The following CDH22 variants were observed in gnomAD, a reference collection of about 807,000 sequenced individuals.
The protein encoded by CDH22 is cadherin 22.
In CDH22, 30 loss-of-function variants were observed where a neutral mutation model predicts 58.4. The ratio of observed to expected loss-of-function variants is 0.51; its 90% CI spans 0.38 to 0.70. The LOEUF is 0.70. Among genes scored for constraint, CDH22 ranks in the 30% least tolerant of loss-of-function variants. The pLI, the probability that CDH22 is intolerant of heterozygous loss-of-function variation, is 0.00. For missense variants in CDH22, 1,014 were observed against 1,233.9 expected, an observed-to-expected ratio of 0.82 and a Z score of 2.67; for synonymous variants, 513 against 558.2, an observed-to-expected ratio of 0.92 and a Z score of 1.14.
At chr20:46,222,108 T>G (rs534295124) in intron 4 of CDH22, among the ~76,000 whole-genome samples, 2 of 152,326 alleles carry the variant, frequency 1.3e-5, no homozygotes, top group Admixed American at 6.5e-5. Flanking sequence ...ACCCACCTGG[T>G]AGGGCTGTTG....
In CDH22 at chr20:46,174,705, G is replaced by A. The variant is rs369889875; in HGVS notation, c.2288C>T (p.Ser763Leu). 55 of 1,557,694 alleles carry A rather than the reference G, an allele frequency of 3.5e-5. No homozygotes were observed. In the African/African-American group the frequency reaches 6.7e-4, roughly 19 times the overall value. Residue 763 changes from serine (S) to leucine (L), a missense_variant, in exon 12 of 12, where the codon TCG becomes TTG. Ser to Leu is a moderately radical substitution (Grantham distance 145). Coordinates refer to ENST00000537909, the MANE Select transcript of CDH22 (RefSeq NM_021248.3). This position sits in a 1 kb window ranked among gnomAD's most constrained non-coding sequence, Gnocchi z 4.4. Reference protein sequence around the residue: ...RKVALADGDLSVPPYDAFQTY... With the variant: ...RKVALADGDLLVPPYDAFQTY... ...CTGGAAGGCGTCGTAGGGCGGCACC[G>A]ACAGGTCCCCGTCCGCCAGTGCCAC...
chr20:46,234,342 C>G (rs901024880), intron 3 of CDH22, among the ~76,000 whole-genome samples: 13 of 152,222 alleles, frequency 8.5e-5, no homozygotes, highest in African/African-American at 3.1e-4. Context: ...GCTTCTGGGT[C>G]TAGTTCTGGC....
At chr20:46,189,138 G>T (rs1343887188) in intron 8 of CDH22, among the ~76,000 whole-genome samples, 3 of 152,134 alleles carry the variant, frequency 2.0e-5, no homozygotes, top group Non-Finnish European at 2.9e-5. Context: ...GGAAAAGGAG[G>T]GGGCTGAGTT....
At chr20:46,220,963 T>C (rs946884942) in intron 4 of CDH22, 1 of 152,850 alleles carries the variant, frequency 6.5e-6, no homozygotes, top group Non-Finnish European at 1.5e-5. Flanking sequence ...CAATGGGACA[T>C]CAGCAAGTGT....
At position 46,281,481 on chromosome 20, in the gene CDH22, C is replaced by CTCTTGTCCTTGTCGACAGCTTT. The variant is rs546903278; in HGVS notation, c.-400+26752_-400+26773dup. Among the ~76,000 whole-genome samples the CTCTTGTCCTTGTCGACAGCTTT allele has an allele frequency of 4.6e-3, 706 of 152,328 alleles. 3 individuals are homozygous for CTCTTGTCCTTGTCGACAGCTTT. Among genetic ancestry groups the CTCTTGTCCTTGTCGACAGCTTT allele is most frequent in the Middle Eastern group, 0.01 (3 of 294 alleles). ...AATCACATACGCCTACCCTGATACT[C>CTCTTGTCCTTGTCGACAGCTTT]TCTTGTCCTTGTCGACAGCTTTTCT... On this transcript the variant is annotated intron_variant, in intron 1 of 11. Transcript: ENST00000537909.
At chr20:46,226,129 A>T (rs2086169441) in intron 4 of CDH22, among the ~76,000 whole-genome samples, 1 of 152,116 alleles carries the variant, frequency 6.6e-6, no homozygotes, top group African/African-American at 2.4e-5. Flanking sequence ...TGAGCTGCTT[A>T]CAATTCCCCT....
Position 46,174,359 on chromosome 20 carries a change from G to A in CDH22, c.*147C>T. 1 of 575,586 alleles carries A rather than the reference G, an allele frequency of 1.7e-6. No individual in the cohort carries two copies. Among genetic ancestry groups the A allele is most frequent in the Non-Finnish European group, 2.9e-6 (1 of 342,108 alleles). 35.7% of individuals were successfully genotyped at this position (575,586 alleles called of 1,614,324 possible). A position where few individuals can be genotyped will look rare whatever the true frequency, so the allele number is the denominator to read the frequency against. On this transcript the variant is annotated 3_prime_UTR_variant, in exon 12 of 12. Coordinates refer to ENST00000537909, the MANE Select transcript of CDH22 (RefSeq NM_021248.3). The surrounding 1 kb of genome is among the most constrained non-coding windows in gnomAD (Gnocchi z 4.4). ...TAGAGGAGGAGGAATGGAAGAGTCCGCTCCTAGCAAGTCCCCCCTCCGTCC... is the reference window on the plus strand; with the variant it reads ...TAGAGGAGGAGGAATGGAAGAGTCCACTCCTAGCAAGTCCCCCCTCCGTCC...
Position 46,230,233 on chromosome 20 carries a change from C to T in CDH22, c.551-2606G>A, listed in dbSNP as rs529953449. On this transcript the variant is annotated intron_variant, in intron 3 of 11. Coordinates refer to ENST00000537909, the MANE Select transcript of CDH22 (RefSeq NM_021248.3). ...TATATTTCACAGTGCCGCATCATGT[C>T]CATTCTCTCCTGCAGACTTCACACC... Among the ~76,000 whole-genome samples the T allele has an allele frequency of 2.0e-5, 3 of 152,288 alleles. No homozygotes were observed. In the South Asian group the frequency reaches 6.2e-4, roughly 32 times the overall value.
At chr20:46,201,427 T>C (rs922246095) in intron 7 of CDH22, among the ~76,000 whole-genome samples, 1 of 152,148 alleles carries the variant, frequency 6.6e-6, no homozygotes. Context: ...ATCTCTGAAA[T>C]GGGGATATTG....
chr20:46,307,679 G>A (rs2059030094), intron 1 of CDH22, among the ~76,000 whole-genome samples: 1 of 152,014 alleles, frequency 6.6e-6, no homozygotes, highest in Non-Finnish European at 1.5e-5. Flanking sequence ...GTGTCGCCGC[G>A]GCTGGAGTCA....
At chr20:46,282,011 C>T (rs1427120025) in intron 1 of CDH22, among the ~76,000 whole-genome samples, 2 of 152,264 alleles carry the variant, frequency 1.3e-5, no homozygotes, top group Non-Finnish European at 2.9e-5. Flanking sequence ...GCTGGCAGAG[C>T]AGGAGCTGGA....
chr20:46,236,408 C>G (rs958524799), intron 3 of CDH22, among the ~76,000 whole-genome samples: 10 of 150,080 alleles, frequency 6.7e-5, no homozygotes, highest in African/African-American at 2.5e-4. Flanking sequence ...AAATAACACT[C>G]CCCGCAAATT....
At chr20:46,223,979 G>A (rs1239964815) in intron 4 of CDH22, among the ~76,000 whole-genome samples, 6 of 151,952 alleles carry the variant, frequency 3.9e-5, no homozygotes, top group South Asian at 2.1e-4. Flanking sequence ...TCAACCTCCC[G>A]AGTAGCTGGG....
At chr20:46,187,488 C>A (rs1288633155) in intron 8 of CDH22, among the ~76,000 whole-genome samples, 1 of 151,678 alleles carries the variant, frequency 6.6e-6, no homozygotes, top group Non-Finnish European at 1.5e-5. Context: ...GAATTAGCAC[C>A]ACCACCACCA....
At chr20:46,208,858 G>T (rs1673126342) in intron 7 of CDH22, among the ~76,000 whole-genome samples, 2 of 152,198 alleles carry the variant, frequency 1.3e-5, no homozygotes, top group South Asian at 4.1e-4. Flanking sequence ...CTCCCAAAGT[G>T]CTGGGATTAC....
intron 1 of CDH22, among the ~76,000 whole-genome samples, chr20:46,299,291 G>A (rs888427977): frequency 9.9e-5 from 15 of 152,154 alleles, no homozygotes; most frequent in African/African-American, 3.6e-4. Context: ...CTGCAGCAGC[G>A]TCATCCTAGC....
At chr20:46,204,600 T>A (rs1378750500) in intron 7 of CDH22, among the ~76,000 whole-genome samples, 3 of 152,166 alleles carry the variant, frequency 2.0e-5, no homozygotes, top group African/African-American at 7.2e-5. Context: ...ACTCTCATTT[T>A]ACAGAGGAGG....
In CDH22 at chr20:46,240,979, G is replaced by A. The variant is rs150593171; in HGVS notation, c.534C>T (p.Ala178=). Reference sequence around the variant, plus strand: ...ACAGCCCACCTGTAGGTGAGAGCTCGGCCACGCTGCCAATATAGGGGCCGT... The same window carrying A: ...ACAGCCCACCTGTAGGTGAGAGCTCAGCCACGCTGCCAATATAGGGGCCGT... ...FLHGPYIGSV[A]ELSPTGTSVM... Residue 178 remains alanine (A), a synonymous_variant, in exon 3 of 12, where the codon GCC becomes GCT. Coordinates refer to ENST00000537909, the MANE Select transcript of CDH22 (RefSeq NM_021248.3). 2.9e-5 allele frequency: 46 copies of A among 1,612,242 alleles called. No homozygotes were observed. Among genetic ancestry groups the A allele is most frequent in the Non-Finnish European group, 3.8e-5 (45 of 1,178,836 alleles).
intron 6 of CDH22, 99 bp downstream of exon 6, chr20:46,212,896 T>G: frequency 3.2e-6 from 3 of 944,178 alleles, no homozygotes; most frequent in Non-Finnish European, 5.0e-6. Flanking sequence ...AACTAATCCA[T>G]TGAGTGGAGT....
Sources: allele counts gnomAD v4.1 joint callset (sites outside exome capture counted in the v4.1 genomes callset), GRCh38; gene constraint gnomAD v4.1.1; non-coding constraint Gnocchi (gnomAD v3.1); transcripts MANE v1.5; gene names NCBI Gene and HGNC (gene_info 2026-07-23, HGNC 2026-07-21).